Variants in KIRREL3 observed in about 807,000 individuals in gnomAD.
KIRREL3 encodes the protein kin of IRRE-like protein 3.
KIRREL3 carries 36 observed loss-of-function variants against 89.7 expected under a neutral mutation model. The ratio of observed to expected loss-of-function variants is 0.40; its 90% confidence interval spans 0.31 to 0.53. KIRREL3 has a LOEUF of 0.53. Among genes scored for constraint, KIRREL3 ranks in the 20% least tolerant of loss-of-function variants. The pLI is 0.49. For missense variants in KIRREL3, 864 were observed against 1,056.6 expected (o/e 0.82, Z 2.53); for synonymous variants, 445 against 441.4 (o/e 1.01, Z -0.10).
chr11:126,849,590 T>C (rs1047093215), intron 1 of KIRREL3, among the ~76,000 whole-genome samples: 4 of 152,156 alleles, frequency 2.6e-5, no homozygotes, highest in Admixed American at 2.6e-4. Context: ...CTATTTCTCC[T>C]GTCCCTGCTG....
At position 126,431,299 on chromosome 11, in the gene KIRREL3, G is replaced by A; in HGVS notation, c.1696+120C>T. 1 of 1,551,994 alleles carries A rather than the reference G, an allele frequency of 6.4e-7. No individual in the cohort carries two copies. The highest frequency in any genetic ancestry group is 8.7e-7 in the Non-Finnish European group (1 of 1,147,138). On this transcript the variant is annotated intron_variant, in intron 14 of 16. Transcript: ENST00000525144. The surrounding 1 kb of genome is among the most constrained non-coding windows in gnomAD (Gnocchi z 7.1). ...ATCAGACCCACTCCCTGCCCCAGGA[G>A]CTCACAGCACTGTTAGGACCCCTGT...
rs1464098045 is a variant in KIRREL3, at chr11:126,558,843, T to C, written c.133+3992A>G. 1.3e-5 allele frequency among the ~76,000 whole-genome samples: 2 copies of C among 152,156 alleles called. No individual in the cohort carries two copies. The highest frequency in any genetic ancestry group is 2.9e-5 in the Non-Finnish European group (2 of 68,020). ...GTGTGTGCACACATGTGGGTGTATG[T>C]GTGCATGTGTATACATGTGTGCAGG... On this transcript the variant is annotated intron_variant, in intron 2 of 16. Coordinates refer to ENST00000525144, the MANE Select transcript of KIRREL3 (RefSeq NM_032531.4). The surrounding 1 kb of genome is among the most constrained non-coding windows in gnomAD (Gnocchi z 4.0).
At position 126,791,352 on chromosome 11, in the gene KIRREL3, G is replaced by A. The variant is rs1195211023; in HGVS notation, c.55+209103C>T. Reference sequence around the variant, plus strand: ...AGGACATTCCAATTCATCGTCCCTGGCCTGGGCTGCATGCAGCCAGCTACC... The same window carrying A: ...AGGACATTCCAATTCATCGTCCCTGACCTGGGCTGCATGCAGCCAGCTACC... On this transcript the variant is annotated intron_variant, in intron 1 of 16. Coordinates refer to ENST00000525144, the MANE Select transcript of KIRREL3 (RefSeq NM_032531.4). The surrounding 1 kb of genome is among the most constrained non-coding windows in gnomAD (Gnocchi z 4.8). 1.3e-5 allele frequency among the ~76,000 whole-genome samples: 2 copies of A among 152,204 alleles called. No individual in the cohort carries two copies. The highest frequency in any genetic ancestry group is 4.8e-5 in the African/African-American group (2 of 41,450).
rs1280029447 is a variant in KIRREL3 at position 126,490,323 on chromosome 11, C to A, written c.434-16857G>T. Among the ~76,000 whole-genome samples, 4 of 152,116 alleles carry A rather than the reference C, an allele frequency of 2.6e-5. No homozygotes were observed. The highest frequency in any genetic ancestry group is 9.7e-5 in the African/African-American group (4 of 41,408). ...AATTTGCATTCACTGGACACAGCCG[C>A]TAGGGAGAGGTGAGCAGAGCTTTCT... is the stretch of plus-strand genomic sequence containing the variant. On this transcript the variant is annotated intron_variant, in intron 4 of 16. Transcript: ENST00000525144. The surrounding 1 kb of genome is among the most constrained non-coding windows in gnomAD (Gnocchi z 4.2).
chr11:126,753,895 A>G (rs1949413815), intron 1 of KIRREL3, among the ~76,000 whole-genome samples: 1 of 152,220 alleles, frequency 6.6e-6, no homozygotes. Flanking sequence ...CTTAACTATA[A>G]TGGTCTTAAT....
At chr11:126,451,091 ATG>A (rs1956098465) in intron 7 of KIRREL3, among the ~76,000 whole-genome samples, 1 of 85,252 alleles carries the variant, frequency 1.2e-5, no homozygotes, top group East Asian at 6.7e-4. Context: ...GTGTGTGCAT[ATG>A]TGTCCATGTG....
rs1164270051 is a variant in KIRREL3, at chr11:126,687,109, G to C, written c.56-124197C>G. Among the ~76,000 whole-genome samples, 1 of 152,118 alleles carries C rather than the reference G, an allele frequency of 6.6e-6. No homozygotes were observed. Among genetic ancestry groups the C allele is most frequent in the Non-Finnish European group, 1.5e-5 (1 of 68,026 alleles). ...ACGTGTTCAAGGTATGTCTAAGAAGGCTCAAGTTCATGAATGGGTGCATCA... is the reference window on the plus strand; with the variant it reads ...ACGTGTTCAAGGTATGTCTAAGAAGCCTCAAGTTCATGAATGGGTGCATCA... On this transcript the variant is annotated intron_variant, in intron 1 of 16. Coordinates refer to ENST00000525144, the MANE Select transcript of KIRREL3 (RefSeq NM_032531.4). This position sits in a 1 kb window ranked among gnomAD's most constrained non-coding sequence, Gnocchi z 4.6.
Position 126,563,192 on chromosome 11 carries a change from G to T in KIRREL3, c.56-280C>A, listed in dbSNP as rs769216634. 4.6e-5 allele frequency among the ~76,000 whole-genome samples: 7 copies of T among 152,236 alleles called. No homozygotes were observed. The highest frequency in any genetic ancestry group is 7.3e-5 in the Non-Finnish European group (5 of 68,046). ...GTGGCACTGGATGAAAGAGCTAGCA[G>T]GTGGTAAAGCCAGAGCTTTGAACCT... On this transcript the variant is annotated intron_variant, in intron 1 of 16. Transcript: ENST00000525144. The surrounding 1 kb of genome is among the most constrained non-coding windows in gnomAD (Gnocchi z 6.8).
Position 126,431,368 on chromosome 11 carries a change from T to C in KIRREL3, c.1696+51A>G, listed in dbSNP as rs372394375. The C allele has an allele frequency of 3.7e-6, 6 of 1,606,546 alleles. No homozygotes were observed. Among genetic ancestry groups the C allele is most frequent in the African/African-American group, 2.7e-5 (2 of 74,750 alleles). ...CTTGCTCTCCGGGGCAGCCTAAGCC[T>C]GGCCTTTTTCTCTGTCCCCCTCCCT... is the stretch of plus-strand genomic sequence containing the variant. On this transcript the variant is annotated intron_variant, in intron 14 of 16. Coordinates refer to ENST00000525144, the MANE Select transcript of KIRREL3 (RefSeq NM_032531.4). The surrounding 1 kb of genome is among the most constrained non-coding windows in gnomAD (Gnocchi z 7.1).
rs1038880124 is a variant in KIRREL3, at chr11:126,976,122, A to AG, written c.55+24332dup. ...ACATCGCTTTCTACAGAGGATGCTG[A>AG]GAAGCACATTATTTGTCACCATGCC... On this transcript the variant is annotated intron_variant, in intron 1 of 16. Transcript: ENST00000525144. This position sits in a 1 kb window ranked among gnomAD's most constrained non-coding sequence, Gnocchi z 4.2. 2.0e-5 allele frequency among the ~76,000 whole-genome samples: 3 copies of AG among 151,996 alleles called. No homozygotes were observed. Among genetic ancestry groups the AG allele is most frequent in the Non-Finnish European group, 4.4e-5 (3 of 68,012 alleles).
At chr11:126,927,424 T>A (rs544038215) in intron 1 of KIRREL3, among the ~76,000 whole-genome samples, 1 of 152,356 alleles carries the variant, frequency 6.6e-6, no homozygotes, top group East Asian at 1.9e-4. Context: ...AACTTTGCAA[T>A]GCTAGGAGTT....
In KIRREL3 at chr11:126,987,471, T is replaced by A. The variant is rs1949899015; in HGVS notation, c.55+12984A>T. 6.6e-6 allele frequency among the ~76,000 whole-genome samples: 1 copy of A among 152,226 alleles called. No homozygotes were observed. The highest frequency in any genetic ancestry group is 2.1e-4 in the South Asian group (1 of 4,828). On this transcript the variant is annotated intron_variant, in intron 1 of 16. Transcript: ENST00000525144. The surrounding 1 kb of genome is among the most constrained non-coding windows in gnomAD (Gnocchi z 4.6). ...AACAGGAGAGGTAAGTGTTCAGATT[T>A]TCTGGTTGGTATGTCTTGATTCTGA... is the stretch of plus-strand genomic sequence containing the variant.
Position 126,782,613 on chromosome 11 carries a change from A to G in KIRREL3, c.55+217842T>C, listed in dbSNP as rs1950361638. Among the ~76,000 whole-genome samples, 1 of 152,252 alleles carries G rather than the reference A, an allele frequency of 6.6e-6. No individual in the cohort carries two copies. Among genetic ancestry groups the G allele is most frequent in the African/African-American group, 2.4e-5 (1 of 41,470 alleles). ...GAACAGTTAAGTAAATGGATGGCAG[A>G]TGGTGGGAGCCAGGCGTTTCACTGT... On this transcript the variant is annotated intron_variant, in intron 1 of 16. Transcript: ENST00000525144. This position sits in a 1 kb window ranked among gnomAD's most constrained non-coding sequence, Gnocchi z 4.1.
chr11:126,702,581 G>A (rs1035088528), intron 1 of KIRREL3, among the ~76,000 whole-genome samples: 5 of 152,168 alleles, frequency 3.3e-5, no homozygotes, highest in East Asian at 1.9e-4. Flanking sequence ...CAGCAGACAC[G>A]CTGACTTCTT....
chr11:126,626,825 G>A (rs895569432), intron 1 of KIRREL3, among the ~76,000 whole-genome samples: 6 of 152,080 alleles, frequency 3.9e-5, no homozygotes, highest in African/African-American at 7.2e-5. Context: ...GAAACCCCAT[G>A]TTTCACCCCA....
At position 126,883,277 on chromosome 11, in the gene KIRREL3, A is replaced by G. The variant is rs1945574559; in HGVS notation, c.55+117178T>C. On this transcript the variant is annotated intron_variant, in intron 1 of 16. Transcript: ENST00000525144. The surrounding 1 kb of genome is among the most constrained non-coding windows in gnomAD (Gnocchi z 4.1). The stretch of plus-strand genomic sequence containing the variant: ...GGAAATTGAGGCAACTTGGAAAGGC[A>G]AAGCAGGTCACCAGAAGTGGTAGGA... Among the ~76,000 whole-genome samples, 1 of 152,170 alleles carries G rather than the reference A, an allele frequency of 6.6e-6. No individual in the cohort carries two copies. The highest frequency in any genetic ancestry group is 1.5e-5 in the Non-Finnish European group (1 of 68,004).
intron 1 of KIRREL3, among the ~76,000 whole-genome samples, chr11:126,714,646 A>G (rs1947888270): frequency 6.6e-6 from 1 of 152,164 alleles, no homozygotes; most frequent in Non-Finnish European, 1.5e-5. Flanking sequence ...GCCACGTCCC[A>G]GAGTTGCACG....
intron 1 of KIRREL3, among the ~76,000 whole-genome samples, chr11:126,588,969 A>G (rs973062576): frequency 6.6e-6 from 1 of 152,116 alleles, no homozygotes; most frequent in African/African-American, 2.4e-5. Flanking sequence ...GAGAACAGCA[A>G]TTTGGGCCGT....
At chr11:126,586,169 A>G (rs1941843587) in intron 1 of KIRREL3, among the ~76,000 whole-genome samples, 1 of 152,220 alleles carries the variant, frequency 6.6e-6, no homozygotes, top group Non-Finnish European at 1.5e-5. Flanking sequence ...CACATTAGGG[A>G]AAACACAGCA....
Sources: gnomAD v4.1 joint callset for allele counts (sites outside exome capture counted in the v4.1 genomes callset) on GRCh38, gnomAD v4.1.1 for gene constraint, Gnocchi (gnomAD v3.1) non-coding constraint, MANE v1.5 for transcripts, NCBI Gene and HGNC (gene_info 2026-07-23, HGNC 2026-07-21) for gene names.